RICTOR: variants seen among roughly 807,000 people sequenced by gnomAD.
The protein encoded by RICTOR is rapamycin-insensitive companion of mTOR.
A neutral mutation model predicts 214.9 loss-of-function variants in RICTOR; 49 were observed. That is an observed-to-expected ratio of 0.23 (90% CI 0.18 to 0.29). The LOEUF (loss-of-function observed/expected upper bound fraction) is 0.29. Among genes scored for constraint, RICTOR ranks in the 10% least tolerant of loss-of-function variants. RICTOR has a pLI of 1.00. For missense variants in RICTOR, 1,625 were observed against 2,047.0 expected, an observed-to-expected ratio of 0.79 and a Z score of 3.98; for synonymous variants, 717 against 711.3, an observed-to-expected ratio of 1.01 and a Z score of -0.13.
intron 3 of RICTOR, among the ~76,000 whole-genome samples, chr5:39,013,388 C>G (rs1754696040): frequency 6.6e-6 from 1 of 152,012 alleles, no homozygotes; most frequent in Non-Finnish European, 1.5e-5. Flanking sequence ...TATAATAAAT[C>G]TACATGACTT....
At chr5:39,059,988 T>A (rs115211613) in intron 2 of RICTOR, among the ~76,000 whole-genome samples, 3,089 of 152,208 alleles carry the variant, frequency 0.02, 60 homozygotes, top group Non-Finnish European at 0.03. Context: ...AATCTAGATC[T>A]GTCTGGGTAC....
chr5:38,955,200 A>G (rs1021177385), intron 26 of RICTOR, among the ~76,000 whole-genome samples: 1 of 152,050 alleles, frequency 6.6e-6, no homozygotes, highest in African/African-American at 2.4e-5. Flanking sequence ...GGCGTATATG[A>G]AACAGATTAA....
intron 2 of RICTOR, among the ~76,000 whole-genome samples, chr5:39,063,221 T>C (rs994882365): frequency 2.6e-5 from 4 of 152,180 alleles, no homozygotes; most frequent in Non-Finnish European, 5.9e-5. Flanking sequence ...TATAGACTCA[T>C]AGTCACAAGT....
In RICTOR at chr5:38,953,540, T is replaced by A; in HGVS notation, c.2711A>T (p.Glu904Val). 1 of 1,354,578 alleles carries A rather than the reference T, an allele frequency of 7.4e-7. No homozygotes were observed. The highest frequency in any genetic ancestry group is 9.8e-7 in the Non-Finnish European group (1 of 1,021,208). The allele number at this position is 1,354,578 out of a possible 1,614,324, so 83.9% of individuals were successfully genotyped here. A position where few individuals can be genotyped will look rare whatever the true frequency, so the allele number is the denominator to read the frequency against. ...HLLEVQNIIT[E>V]LCRNVRTPDL... Reference sequence around the variant, plus strand: ...TGGTGTACGAACATTACGACAGAGTTCTGTAATAATATTCTGGAGAAAGAA... The same window carrying A: ...TGGTGTACGAACATTACGACAGAGTACTGTAATAATATTCTGGAGAAAGAA... The change falls in exon 28 of 38, where the codon GAA (glutamate) becomes GTA (valine). Residue 904 changes from glutamate to valine, a missense_variant. Around this residue, in one of 5 missense-constraint regions of RICTOR, gnomAD observed 1,214 missense variants for 1,470.5 expected, o/e 0.83. Transcript: ENST00000357387.
At chr5:38,998,384 G>A (rs1480258344) in intron 5 of RICTOR, among the ~76,000 whole-genome samples, 3 of 151,978 alleles carry the variant, frequency 2.0e-5, no homozygotes, top group East Asian at 3.9e-4. Context: ...CAGAGGTTTC[G>A]CCACATTGGC....
At chr5:39,024,936 C>G (rs181326525) in intron 2 of RICTOR, among the ~76,000 whole-genome samples, 2 of 152,040 alleles carry the variant, frequency 1.3e-5, no homozygotes, top group East Asian at 3.8e-4. Flanking sequence ...GTTTTAAGTA[C>G]TGGAAATATA....
At chr5:38,956,955 T>C (rs1256745935) in intron 25 of RICTOR, among the ~76,000 whole-genome samples, 4 of 152,186 alleles carry the variant, frequency 2.6e-5, no homozygotes, top group Admixed American at 2.6e-4. Context: ...TGTGTAACTA[T>C]GTTAACAAAA....
chr5:38,945,186 A>G, intron 34 of RICTOR, 118 bp from the exon 35 acceptor site: 1 of 779,294 alleles, frequency 1.3e-6, no homozygotes, highest in Non-Finnish European at 2.0e-6. Flanking sequence ...TATGCAATAT[A>G]CCAAACACTT....
intron 31 of RICTOR, among the ~76,000 whole-genome samples, chr5:38,948,724 T>C (rs898309597): frequency 9.2e-5 from 14 of 152,078 alleles, no homozygotes; most frequent in Admixed American, 5.3e-4. Flanking sequence ...CTGGACAAGG[T>C]TGCCAAAGCT....
chr5:38,944,439 T>C lies in RICTOR; in HGVS notation c.4913+7A>G. The C allele has an allele frequency of 6.3e-7, 1 of 1,595,994 alleles. No homozygotes were observed. The highest frequency in any genetic ancestry group is 8.5e-7 in the Non-Finnish European group (1 of 1,174,954). ...ACAAATAATACTCATGCACATAGTT[T>C]ACTCACGTTAAAAGCCCAGTCTCAT... is the stretch of plus-strand genomic sequence containing the variant. On this transcript the variant is annotated splice_region_variant and intron_variant, in intron 36 of 37. Transcript: ENST00000357387.
intron 2 of RICTOR, among the ~76,000 whole-genome samples, chr5:39,025,007 TACA>T (rs541204797): frequency 1.2e-4 from 19 of 152,252 alleles, no homozygotes; most frequent in South Asian, 6.2e-4. Context: ...GAAAACTGAT[TACA>T]ACAACAACAA....
chr5:38,962,742 TA>T, intron 17 of RICTOR, 133 bp downstream of exon 17: 2 of 847,520 alleles, frequency 2.4e-6, no homozygotes, highest in Non-Finnish European at 3.7e-6. Flanking sequence ...CTCCAAATTA[TA>T]AAACTCAGAA....
chr5:39,058,290 A>G (rs1758324172), intron 2 of RICTOR, among the ~76,000 whole-genome samples: 1 of 152,264 alleles, frequency 6.6e-6, no homozygotes, highest in South Asian at 2.1e-4. Flanking sequence ...TCTATATAGC[A>G]TACTCTATTT....
Position 39,012,629 on chromosome 5 carries a change from T to A in RICTOR, c.195+8410A>T, listed in dbSNP as rs549481752. 5.3e-5 allele frequency among the ~76,000 whole-genome samples: 8 copies of A among 152,340 alleles called. No individual in the cohort carries two copies. In the East Asian group the frequency reaches 1.3e-3, roughly 26 times the overall value. On this transcript the variant is annotated intron_variant, in intron 3 of 37. Transcript: ENST00000357387. ...TACTGTTGACATCCTATCTCCTGTATTAATGTAAGTCATTAAAATGTAATT... is the reference window on the plus strand; with the variant it reads ...TACTGTTGACATCCTATCTCCTGTAATAATGTAAGTCATTAAAATGTAATT...
intron 2 of RICTOR, among the ~76,000 whole-genome samples, chr5:39,031,547 C>T (rs1238283268): frequency 1.3e-5 from 2 of 152,142 alleles, no homozygotes; most frequent in Non-Finnish European, 2.9e-5. Context: ...TATATTGCCT[C>T]TCTTTCTTCT....
chr5:39,031,699 C>T (rs980311296), intron 2 of RICTOR, among the ~76,000 whole-genome samples: 8 of 152,094 alleles, frequency 5.3e-5, no homozygotes, highest in Non-Finnish European at 1.0e-4. Context: ...TGTGAATACA[C>T]ATAAACAAAT....
At chr5:38,973,167 T>C (rs1750926405) in intron 10 of RICTOR, among the ~76,000 whole-genome samples, 1 of 152,138 alleles carries the variant, frequency 6.6e-6, no homozygotes, top group African/African-American at 2.4e-5. Context: ...ATGTTCTATA[T>C]ATTGAAAAGG....
At chr5:38,958,342 A>G (rs1749489310) in intron 24 of RICTOR, 101 bp downstream of exon 24, 1 of 744,938 alleles carries the variant, frequency 1.3e-6, no homozygotes, top group Non-Finnish European at 2.4e-6. Context: ...TAAAAGGTAA[A>G]CTCTTCAGCG....
chr5:39,029,035 A>T (rs1756073526), intron 2 of RICTOR, among the ~76,000 whole-genome samples: 1 of 152,268 alleles, frequency 6.6e-6, no homozygotes, highest in Non-Finnish European at 1.5e-5. Flanking sequence ...CAATGCAAAT[A>T]TAAGCAGAAG....
Sources: gnomAD v4.1 joint callset for allele counts (sites outside exome capture counted in the v4.1 genomes callset) on GRCh38, gnomAD v4.1.1 for gene constraint, gnomAD v4.1.1 regional missense constraint, MANE v1.5 for transcripts, NCBI Gene and HGNC (gene_info 2026-07-23, HGNC 2026-07-21) for gene names.